Variants in PAPPA2 observed in about 807,000 individuals in gnomAD.
PAPPA2 encodes the protein pappalysin-2.
Under a neutral mutation model 176.4 loss-of-function variants are expected in PAPPA2, and 86 were observed. The observed-to-expected ratio is 0.49, with a 90% CI of 0.41 to 0.58. PAPPA2 has a LOEUF of 0.58. Among genes scored for constraint, PAPPA2 ranks in the 20% least tolerant of loss-of-function variants. The probability of loss-of-function intolerance (pLI) is 0.00; values close to 1 mark genes in which losing one functional copy is unlikely to be tolerated. For synonymous variants in PAPPA2, 809 were observed against 852.2 expected (o/e 0.95, Z 0.88); for missense variants, 2,073 against 2,256.9 (o/e 0.92, Z 1.65).
At chr1:176,674,213 CAGA>C (rs1659163397) in intron 4 of PAPPA2, among the ~76,000 whole-genome samples, 1 of 152,032 alleles carries the variant, frequency 6.6e-6, no homozygotes, top group African/African-American at 2.4e-5. Context: ...CAAGGGTAAA[CAGA>C]AGTAGTACAG....
chr1:176,624,769 T>C (rs1655913119), intron 3 of PAPPA2, among the ~76,000 whole-genome samples: 2 of 152,190 alleles, frequency 1.3e-5, no homozygotes, highest in Admixed American at 1.3e-4. Flanking sequence ...ATTTACATTG[T>C]TGTAATGATT....
chr1:176,528,297 C>T (rs560827864), intron 1 of PAPPA2, among the ~76,000 whole-genome samples: 54 of 152,298 alleles, frequency 3.5e-4, no homozygotes, highest in African/African-American at 1.3e-3. Context: ...CTATGGAGGG[C>T]AGCTCATCCC....
Position 176,771,051 on chromosome 1 carries a change from C to G in PAPPA2, c.4586C>G (p.Pro1529Arg). 1 of 1,614,148 alleles carries G rather than the reference C, an allele frequency of 6.2e-7. No individual in the cohort carries two copies. The highest frequency in any genetic ancestry group is 8.5e-7 in the Non-Finnish European group (1 of 1,180,020). The change falls in exon 17 of 23, where the codon CCT (proline) becomes CGT (arginine). Residue 1529 changes from proline to arginine, a missense_variant. Around this residue, in one of 4 missense-constraint regions of PAPPA2, gnomAD observed 846 missense variants for 857.9 expected, o/e 0.99. Transcript: ENST00000367662. Reference sequence around the variant, plus strand: ...TGCAAGTTGGAGTGTGATGCTCCCCCTATTATTCTGAATGCCAACTTGCTC... The same window carrying G: ...TGCAAGTTGGAGTGTGATGCTCCCCGTATTATTCTGAATGCCAACTTGCTC... ...VYCKLECDAP[P>R]IILNANLLLP...
chr1:176,735,685 T>TATC lies in PAPPA2; in HGVS notation c.3799-3940_3799-3938dup, dbSNP rs1662369311. 1.8e-4 allele frequency among the ~76,000 whole-genome samples: 4 copies of TATC among 21,708 alleles called. No homozygotes were observed. In the South Asian group the frequency reaches 5.2e-3, roughly 28 times the overall value. 14.2% of individuals were successfully genotyped at this position (21,708 alleles called of 152,430 possible). A position where few individuals can be genotyped will look rare whatever the true frequency, so the allele number is the denominator to read the frequency against. ...GCTTTCCCATCTCTCAGAATCTATC[T>TATC]ATCTATCTATCTATCTATCTATCTA... is the stretch of plus-strand genomic sequence containing the variant. On this transcript the variant is annotated intron_variant, in intron 12 of 22. Coordinates refer to ENST00000367662, the MANE Select transcript of PAPPA2 (RefSeq NM_020318.3).
rs576278731 is a variant in PAPPA2, at chr1:176,487,995, T to C, written c.-917+24577T>C. ...GGTAAGTAGAAAAAATGGAATGGGCTGTTTTTAAATTCTGTTTTAAGGGTA... is the reference window on the plus strand; with the variant it reads ...GGTAAGTAGAAAAAATGGAATGGGCCGTTTTTAAATTCTGTTTTAAGGGTA... On this transcript the variant is annotated intron_variant, in intron 1 of 22. Coordinates refer to ENST00000367662, the MANE Select transcript of PAPPA2 (RefSeq NM_020318.3). 3.9e-4 allele frequency among the ~76,000 whole-genome samples: 59 copies of C among 152,302 alleles called. 3 individuals are homozygous for C. The South Asian group carries it at 0.012, about 31-fold the overall frequency.
intron 21 of PAPPA2, among the ~76,000 whole-genome samples, chr1:176,827,812 G>A (rs1023010927): frequency 6.6e-6 from 1 of 151,948 alleles, no homozygotes; most frequent in African/African-American, 2.4e-5. Flanking sequence ...CCCTATGCCT[G>A]GCTTATAGTA....
At chr1:176,628,911 T>A (rs1429432387) in intron 3 of PAPPA2, among the ~76,000 whole-genome samples, 1 of 152,190 alleles carries the variant, frequency 6.6e-6, no homozygotes, top group Non-Finnish European at 1.5e-5. Flanking sequence ...ATGTTAAGAG[T>A]TGAATGTGGA....
chr1:176,601,424 C>A (rs1308730799), intron 3 of PAPPA2, among the ~76,000 whole-genome samples: 3 of 152,192 alleles, frequency 2.0e-5, no homozygotes, highest in Non-Finnish European at 4.4e-5. Context: ...CTCTCCCAAA[C>A]GCTCTGAGAG....
intron 21 of PAPPA2, among the ~76,000 whole-genome samples, chr1:176,818,399 A>T (rs764025164): frequency 1.3e-5 from 2 of 152,286 alleles, no homozygotes; most frequent in South Asian, 2.1e-4. Flanking sequence ...AAGGTATTTT[A>T]TATGCAATGG....
intron 4 of PAPPA2, among the ~76,000 whole-genome samples, chr1:176,679,524 G>C (rs3979581): frequency 2.0e-5 from 3 of 152,154 alleles, no homozygotes; most frequent in African/African-American, 7.2e-5. Flanking sequence ...CTAATATAAT[G>C]TTTATTAAAG....
intron 3 of PAPPA2, among the ~76,000 whole-genome samples, chr1:176,646,092 G>A (rs1027867887): frequency 6.6e-6 from 1 of 151,172 alleles, no homozygotes; most frequent in African/African-American, 2.4e-5. Context: ...TTTTTAGTTT[G>A]ATGTAGTCCC....
At chr1:176,664,441 T>G (rs985174733) in intron 3 of PAPPA2, among the ~76,000 whole-genome samples, 1 of 152,214 alleles carries the variant, frequency 6.6e-6, no homozygotes, top group Non-Finnish European at 1.5e-5. Flanking sequence ...CTTTCTCTGA[T>G]GACACATAGG....
At chr1:176,625,867 T>A (rs999297165) in intron 3 of PAPPA2, among the ~76,000 whole-genome samples, 5 of 151,920 alleles carry the variant, frequency 3.3e-5, no homozygotes, top group Non-Finnish European at 5.9e-5. Flanking sequence ...ACAAAAAATT[T>A]AAAAAATTAT....
intron 1 of PAPPA2, among the ~76,000 whole-genome samples, chr1:176,529,732 AC>A (rs771798332): frequency 4.0e-5 from 6 of 151,798 alleles, no homozygotes; most frequent in Non-Finnish European, 5.9e-5. Context: ...TGTTTTCAAT[AC>A]CGTGGAACGT....
intron 1 of PAPPA2, among the ~76,000 whole-genome samples, chr1:176,512,169 G>A (rs1036981652): frequency 7.5e-6 from 1 of 133,028 alleles, no homozygotes; most frequent in Non-Finnish European, 1.5e-5. Flanking sequence ...ATCGGGAAAA[G>A]CAATTAAAAC....
intron 7 of PAPPA2, among the ~76,000 whole-genome samples, chr1:176,698,511 T>G (rs969006754): frequency 2.0e-5 from 3 of 152,198 alleles, no homozygotes; most frequent in African/African-American, 7.2e-5. Flanking sequence ...TTCATTTTTT[T>G]TCCCACTCCA....
Position 176,739,747 on chromosome 1 carries a change from G to A in PAPPA2, c.3920G>A (p.Ser1307Asn). Residue 1307 changes from serine (S) to asparagine (N), a missense_variant, in exon 13 of 23, where the codon AGC (serine) becomes AAC (asparagine). Ser to Asn is a conservative substitution (Grantham distance 46). Around this residue, in one of 4 missense-constraint regions of PAPPA2, gnomAD observed 846 missense variants for 857.9 expected, o/e 0.99. Coordinates refer to ENST00000367662, the MANE Select transcript of PAPPA2 (RefSeq NM_020318.3). ...VTLYLTDVRG[S>N]NHSLGTYGLS... ...CTCTACCTGACCGATGTCCGTGGAA[G>A]CAACCACTCTCTTGGTGAGTCTGAC... The A allele has an allele frequency of 6.2e-7, 1 of 1,613,666 alleles. No individual in the cohort carries two copies. The highest frequency in any genetic ancestry group is 8.5e-7 in the Non-Finnish European group (1 of 1,179,796).
intron 4 of PAPPA2, among the ~76,000 whole-genome samples, chr1:176,685,680 C>T (rs1454419704): frequency 2.6e-5 from 4 of 152,240 alleles, no homozygotes; most frequent in African/African-American, 9.6e-5. Context: ...CGGCCCCCTC[C>T]TCCCCACCAG....
intron 3 of PAPPA2, among the ~76,000 whole-genome samples, chr1:176,638,549 A>G (rs371643164): frequency 6.6e-6 from 1 of 152,004 alleles, no homozygotes; most frequent in African/African-American, 2.4e-5. Flanking sequence ...CCCATTATTT[A>G]GGGAAACCGA....
Sources: allele counts gnomAD v4.1 joint callset (sites outside exome capture counted in the v4.1 genomes callset), GRCh38; gene constraint gnomAD v4.1.1; regional missense constraint gnomAD v4.1.1; transcripts MANE v1.5; gene names NCBI Gene and HGNC (gene_info 2026-07-23, HGNC 2026-07-21).